Variants in BIRC6 observed in about 807,000 individuals in gnomAD.
BIRC6 encodes the protein dual E2 ubiquitin-conjugating enzyme/E3 ubiquitin-protein ligase BIRC6.
BIRC6 carries 98 observed loss-of-function variants against 503.3 expected under a neutral mutation model. The observed-to-expected ratio is 0.19, with a 90% CI of 0.17 to 0.23. The LOEUF (loss-of-function observed/expected upper bound fraction) is 0.23, where lower values mean the gene tolerates loss of function less well. Among genes scored for constraint, BIRC6 ranks in the 10% least tolerant of loss-of-function variants. BIRC6 has a pLI of 1.00. For synonymous variants in BIRC6, 2,240 were observed against 2,078.7 expected (o/e 1.08, Z -2.11); for missense variants, 5,360 against 5,806.0 (o/e 0.92, Z 2.50).
At chr2:32,563,529 A>C (rs1346649038) in intron 65 of BIRC6, 8 of 152,214 alleles carry the variant, frequency 5.3e-5, no homozygotes, top group Admixed American at 5.2e-4. Context: ...TGCAATGTTT[A>C]CTGGGTGCTT....
At position 32,409,804 on chromosome 2, in the gene BIRC6, G is replaced by T. The variant is rs1353099710; in HGVS notation, c.1477+3247G>T. On this transcript the variant is annotated intron_variant, in intron 9 of 73. Coordinates refer to ENST00000421745, the MANE Select transcript of BIRC6 (RefSeq NM_016252.4). Reference sequence around the variant, plus strand: ...AAGAATATTATGCTGGTGCTTGTTTGTAGGTATTTGTGTAAAAATTTATTT... The same window carrying T: ...AAGAATATTATGCTGGTGCTTGTTTTTAGGTATTTGTGTAAAAATTTATTT... 9.2e-5 allele frequency among the ~76,000 whole-genome samples: 14 copies of T among 152,204 alleles called. 1 individual carries two copies. The highest frequency in any genetic ancestry group is 1.3e-4 in the Non-Finnish European group (9 of 68,030).
At chr2:32,574,331 C>T (rs1187415243) in intron 65 of BIRC6, among the ~76,000 whole-genome samples, 2 of 151,592 alleles carry the variant, frequency 1.3e-5, no homozygotes, top group South Asian at 2.1e-4. Context: ...TTGCCCAGGC[C>T]GGTCTCAAAC....
At chr2:32,481,610 GA>G (rs2050406383) in intron 38 of BIRC6, among the ~76,000 whole-genome samples, 157 bp downstream of exon 38, 1 of 151,910 alleles carries the variant, frequency 6.6e-6, no homozygotes, top group African/African-American at 2.4e-5. Context: ...ACTAAAAATA[GA>G]AAAAATTAGC....
intron 62 of BIRC6, among the ~76,000 whole-genome samples, chr2:32,545,365 A>T (rs2057984547): frequency 6.6e-6 from 1 of 152,192 alleles, no homozygotes; most frequent in Non-Finnish European, 1.5e-5. Context: ...TTTAAATTCT[A>T]GTTCGTAATA....
chr2:32,475,655 A>G (rs983323383), intron 33 of BIRC6, among the ~76,000 whole-genome samples: 3 of 152,234 alleles, frequency 2.0e-5, no homozygotes, highest in Non-Finnish European at 2.9e-5. Flanking sequence ...ATATTATCCT[A>G]TAGTTTTTGC....
intron 11 of BIRC6, among the ~76,000 whole-genome samples, chr2:32,429,991 A>C (rs572573461): frequency 6.6e-6 from 1 of 152,164 alleles, no homozygotes; most frequent in African/African-American, 2.4e-5. Flanking sequence ...TAGAGGAAAG[A>C]TGAATTTTGT....
intron 53 of BIRC6, among the ~76,000 whole-genome samples, chr2:32,512,283 A>G (rs150009085): frequency 2.0e-5 from 3 of 152,318 alleles, no homozygotes; most frequent in South Asian, 4.1e-4. Context: ...TTGAAGGAAA[A>G]TAAACAAAAT....
At chr2:32,537,303 A>C (rs1403628196) in intron 61 of BIRC6, among the ~76,000 whole-genome samples, 1 of 152,200 alleles carries the variant, frequency 6.6e-6, no homozygotes, top group Non-Finnish European at 1.5e-5. Flanking sequence ...CATCAACAGA[A>C]TATACATTCT....
intron 65 of BIRC6, among the ~76,000 whole-genome samples, chr2:32,571,378 CTTTTTTTTTTTT>C (rs61599835): frequency 4.9e-5 from 1 of 20,302 alleles, no homozygotes; most frequent in African/African-American, 2.1e-4. Flanking sequence ...TGGTCCTGGG[CTTTTTTTTTTTT>C]TTTTTTTTTT....
At chr2:32,384,062 C>T (rs796906034) in intron 3 of BIRC6, among the ~76,000 whole-genome samples, 4 of 152,332 alleles carry the variant, frequency 2.6e-5, no homozygotes, top group African/African-American at 9.6e-5. Context: ...GCAATCTCAA[C>T]ACCCACTTCA....
At chr2:32,471,186 T>G in intron 32 of BIRC6, 62 bp downstream of exon 32, 3 of 1,535,474 alleles carry the variant, frequency 2.0e-6, no homozygotes, top group Non-Finnish European at 2.6e-6. Flanking sequence ...TTGGTGGGGA[T>G]TTTGAGTGAC....
Position 32,473,119 on chromosome 2 carries a change from G to A in BIRC6, c.6600G>A (p.Gln2200=). The change falls in exon 33 of 74, where the codon CAG becomes CAA. Residue 2200 remains glutamine, a synonymous_variant. Transcript: ENST00000421745. ...GTTTTCCTTCGCCTGTAGGTAATCA[G>A]TGGAGTTTTATTAACAATAATCTAC... ...AAAKKPLNGN[Q]WSFINNNLHT... 6.3e-7 allele frequency: 1 copy of A among 1,575,590 alleles called. No homozygotes were observed.
chr2:32,502,754 A>G (rs374589174), intron 47 of BIRC6, 41 bp from the exon 48 acceptor site: 8 of 1,464,420 alleles, frequency 5.5e-6, no homozygotes, highest in Non-Finnish European at 6.6e-6. Context: ...TCTTATTCAC[A>G]GGAATATATA....
At chr2:32,440,953 G>T (rs1024764224) in intron 16 of BIRC6, among the ~76,000 whole-genome samples, 12 of 151,856 alleles carry the variant, frequency 7.9e-5, no homozygotes, top group Admixed American at 1.3e-4. Context: ...TAGAGATAGG[G>T]TTTCACTGTG....
Position 32,415,512 on chromosome 2 carries a change from G to A in BIRC6, c.2221G>A (p.Asp741Asn). Residue 741 changes from aspartate (D) to asparagine (N), a missense_variant, in exon 10 of 74, where the codon GAC (aspartate) becomes AAC (asparagine). This residue lies in a region of BIRC6 where 700 missense variants were observed against 739.3 expected (regional missense o/e 0.95). Coordinates refer to ENST00000421745, the MANE Select transcript of BIRC6 (RefSeq NM_016252.4). The stretch of plus-strand genomic sequence containing the variant: ...TATAGACTCAATAACTCCTTGTGCT[G>A]ACGGAATTCATTTGTTGGTAGGACT... ...LCIDSITPCA[D>N]GIHLLVGLRT... 1 of 1,614,032 alleles carries A rather than the reference G, an allele frequency of 6.2e-7. No homozygotes were observed. Among genetic ancestry groups the A allele is most frequent in the South Asian group, 1.1e-5 (1 of 91,084 alleles).
chr2:32,390,383 G>C lies in BIRC6; in HGVS notation c.839+1440G>C, dbSNP rs371073800. ...GGTGGGGTTTCACCGTGTTAGCCAG[G>C]ATGGTCTCGAGCTCCTGACCTTATG... On this transcript the variant is annotated intron_variant, in intron 4 of 73. Coordinates refer to ENST00000421745, the MANE Select transcript of BIRC6 (RefSeq NM_016252.4). Among the ~76,000 whole-genome samples the C allele has an allele frequency of 1.2e-3, 180 of 151,254 alleles. 1 individual carries two copies. Among genetic ancestry groups the C allele is most frequent in the African/African-American group, 4.3e-3 (178 of 41,122 alleles).
intron 10 of BIRC6, among the ~76,000 whole-genome samples, chr2:32,425,734 G>T (rs575525639): frequency 6.6e-6 from 1 of 152,272 alleles, no homozygotes; most frequent in East Asian, 1.9e-4. Context: ...TAAATCTTCT[G>T]GTGGCTGCTG....
At chr2:32,519,536 A>G (rs1558957273) in intron 57 of BIRC6, among the ~76,000 whole-genome samples, 2 of 151,960 alleles carry the variant, frequency 1.3e-5, no homozygotes, top group African/African-American at 4.8e-5. Flanking sequence ...TAATTTTGAG[A>G]GGGGGGTCTC....
At position 32,603,015 on chromosome 2, in the gene BIRC6, A is replaced by T; in HGVS notation, c.14002A>T (p.Ser4668Cys). The T allele has an allele frequency of 6.2e-7, 1 of 1,609,516 alleles. No individual in the cohort carries two copies. The highest frequency in any genetic ancestry group is 8.5e-7 in the Non-Finnish European group (1 of 1,178,626). Residue 4668 changes from serine (S) to cysteine (C), a missense_variant, in exon 71 of 74, where the codon AGC becomes TGC. Physicochemically the swap from Ser to Cys is moderately radical, Grantham distance 112 (BLOSUM62 -1). Coordinates refer to ENST00000421745, the MANE Select transcript of BIRC6 (RefSeq NM_016252.4). ...NLYNDGKVCL[S>C]ILNTWHGRPE... Reference sequence around the variant, plus strand: ...TTTTTTCGTTCGTCAGGTTTGTTTAAGCATCTTAAACACGTGGCATGGAAG... The same window carrying T: ...TTTTTTCGTTCGTCAGGTTTGTTTATGCATCTTAAACACGTGGCATGGAAG...
Sources: allele counts gnomAD v4.1 joint callset (sites outside exome capture counted in the v4.1 genomes callset), GRCh38; gene constraint gnomAD v4.1.1; regional missense constraint gnomAD v4.1.1; transcripts MANE v1.5; gene names NCBI Gene and HGNC (gene_info 2026-07-23, HGNC 2026-07-21).